The following FAM135A variants were observed in gnomAD, a reference collection of about 807,000 sequenced individuals.
FAM135A encodes the protein protein FAM135A.
In FAM135A, 79 loss-of-function variants were observed where a neutral mutation model predicts 146.8. The observed-to-expected ratio is 0.54, with a 90% confidence interval of 0.45 to 0.65. The LOEUF (loss-of-function observed/expected upper bound fraction) is 0.65. Ranked by LOEUF, FAM135A falls within the 30% of genes least tolerant of loss-of-function variation. The pLI is 0.00. For synonymous variants in FAM135A, 562 were observed against 603.6 expected (o/e 0.93, Z 1.01); for missense variants, 1,623 against 1,758.2 (o/e 0.92, Z 1.38).
rs3193656 is a variant in FAM135A at position 70,560,840 on chromosome 6, A to C, written c.*919A>C. The C allele has an allele frequency of 0.17, 25,896 of 152,560 alleles. 2,289 individuals are homozygous for C. The highest frequency in any genetic ancestry group is 0.21 in the Middle Eastern group (63 of 294). The allele number at this position is 152,560 out of a possible 1,614,324, so 9.5% of individuals were successfully genotyped here. A position where few individuals can be genotyped will look rare whatever the true frequency, so the allele number is the denominator to read the frequency against. On this transcript the variant is annotated 3_prime_UTR_variant, in exon 22 of 22. Coordinates refer to ENST00000418814, the MANE Select transcript of FAM135A (RefSeq NM_001162529.3). ...ATTTATTGAACTAAAAAGTAATGTAAATAAAATAATTCATGTTAAAGATGG... is the reference window on the plus strand; with the variant it reads ...ATTTATTGAACTAAAAAGTAATGTACATAAAATAATTCATGTTAAAGATGG...
At chr6:70,421,203 G>A (rs1768762142) in intron 2 of FAM135A, among the ~76,000 whole-genome samples, 1 of 151,810 alleles carries the variant, frequency 6.6e-6, no homozygotes, top group Non-Finnish European at 1.5e-5. Context: ...TTTTTTTAGT[G>A]TTCTACATTT....
intron 2 of FAM135A, chr6:70,417,659 G>C: frequency 4.1e-6 from 4 of 984,012 alleles, no homozygotes; most frequent in Non-Finnish European, 4.8e-6. Flanking sequence ...ATTGTTTTTA[G>C]AGCAGTGTTA....
intron 1 of FAM135A, 53 bp downstream of exon 1, chr6:70,413,755 C>T: frequency 1.0e-6 from 1 of 967,128 alleles, no homozygotes; most frequent in Non-Finnish European, 1.2e-6. Flanking sequence ...ACCCACGACC[C>T]CTCCCTCCGT....
chr6:70,551,353 T>G (rs191975746), intron 20 of FAM135A, among the ~76,000 whole-genome samples: 7 of 152,334 alleles, frequency 4.6e-5, no homozygotes, highest in Non-Finnish European at 2.9e-5. Context: ...CTCACGCCTG[T>G]AATTCCAGAA....
chr6:70,523,171 C>CAGG (rs565890377), intron 13 of FAM135A, among the ~76,000 whole-genome samples: 227 of 152,206 alleles, frequency 1.5e-3, no homozygotes, highest in African/African-American at 4.9e-3. Context: ...GGAAAAAAGA[C>CAGG]AGGACATGGT....
intron 16 of FAM135A, 29 bp from the exon 17 acceptor site, chr6:70,533,131 T>A: frequency 6.4e-7 from 1 of 1,553,266 alleles, no homozygotes; most frequent in Non-Finnish European, 8.9e-7. Flanking sequence ...CTTTATCTCA[T>A]CCTTTAAACA....
At chr6:70,532,143 T>TGG (rs986757171) in intron 16 of FAM135A, among the ~76,000 whole-genome samples, 2 of 152,106 alleles carry the variant, frequency 1.3e-5, no homozygotes, top group African/African-American at 4.8e-5. Flanking sequence ...CCTAAAGTGC[T>TGG]GGGATTACAG....
chr6:70,472,527 A>G (rs1404918580), intron 5 of FAM135A, among the ~76,000 whole-genome samples: 1 of 152,176 alleles, frequency 6.6e-6, no homozygotes, highest in Non-Finnish European at 1.5e-5. Flanking sequence ...TAACCCCAAT[A>G]CATCCATCAA....
chr6:70,467,004 G>T (rs1365541886), intron 5 of FAM135A, among the ~76,000 whole-genome samples: 2 of 152,120 alleles, frequency 1.3e-5, no homozygotes. Flanking sequence ...TCTCTTCTAT[G>T]TTGAATCTCT....
chr6:70,545,251 G>A (rs1184234769), intron 20 of FAM135A, among the ~76,000 whole-genome samples: 1 of 151,872 alleles, frequency 6.6e-6, no homozygotes, highest in Admixed American at 6.6e-5. Context: ...ATTTCTCTTT[G>A]TACTCACGAG....
intron 11 of FAM135A, among the ~76,000 whole-genome samples, chr6:70,493,160 G>A (rs73482585): frequency 0.2 from 30,620 of 151,412 alleles, 3,395 homozygotes; most frequent in African/African-American, 0.29. Context: ...TACTGTTTGC[G>A]TGCTGAAAAC....
At chr6:70,415,716 A>G (rs768252106) in intron 2 of FAM135A, among the ~76,000 whole-genome samples, 1 of 152,166 alleles carries the variant, frequency 6.6e-6, no homozygotes, top group Non-Finnish European at 1.5e-5. Flanking sequence ...TGGTATTTTT[A>G]GTGAGTTGGT....
rs528477717 is a variant in FAM135A, at chr6:70,528,228, T to A, written c.3615-64T>A. The A allele has an allele frequency of 3.4e-6, 5 of 1,461,118 alleles. No homozygotes were observed. In the African/African-American group the frequency reaches 7.1e-5, roughly 21 times the overall value. The allele number at this position is 1,461,118 out of a possible 1,614,324, so 90.5% of individuals were successfully genotyped here. A position where few individuals can be genotyped will look rare whatever the true frequency, so the allele number is the denominator to read the frequency against. ...TTTCCACTTCTACAATTCTCTAAAT[T>A]CAGGAGGGTTCTAACAACTGAATAT... On this transcript the variant is annotated intron_variant, in intron 15 of 21. Coordinates refer to ENST00000418814, the MANE Select transcript of FAM135A (RefSeq NM_001162529.3).
chr6:70,442,238 G>GTTTTTTTT (rs147268217), intron 4 of FAM135A, among the ~76,000 whole-genome samples: 2 of 136,410 alleles, frequency 1.5e-5, no homozygotes, highest in African/African-American at 2.8e-5. Context: ...TTTCTTCATG[G>GTTTTTTTT]GTTTTTTTTT....
intron 12 of FAM135A, among the ~76,000 whole-genome samples, chr6:70,514,002 C>T (rs975790634): frequency 3.6e-4 from 54 of 150,084 alleles, no homozygotes; most frequent in African/African-American, 1.3e-3. Flanking sequence ...TTTTTTTTGT[C>T]TTTATCTTGC....
intron 19 of FAM135A, 63 bp downstream of exon 19, chr6:70,536,474 T>C (rs1796814769): frequency 7.7e-7 from 1 of 1,291,754 alleles, no homozygotes; most frequent in Non-Finnish European, 1.0e-6. Flanking sequence ...GAACTTAGTA[T>C]TTTCTGGTGT....
chr6:70,475,794 G>A, intron 7 of FAM135A, 61 bp downstream of exon 7: 1 of 1,312,792 alleles, frequency 7.6e-7, no homozygotes, highest in Non-Finnish European at 1.1e-6. Flanking sequence ...GTTATTATTA[G>A]ATTGCCCATT....
At chr6:70,472,782 G>A (rs73478818) in intron 5 of FAM135A, among the ~76,000 whole-genome samples, 5 of 152,220 alleles carry the variant, frequency 3.3e-5, no homozygotes, top group Non-Finnish European at 5.9e-5. Context: ...GTGTTCTTCA[G>A]TTTGCATGGG....
chr6:70,499,553 T>A (rs1788035648), intron 11 of FAM135A, among the ~76,000 whole-genome samples: 2 of 152,244 alleles, frequency 1.3e-5, no homozygotes, highest in Admixed American at 1.3e-4. Context: ...TGCCCATTAG[T>A]CAATGCTGTT....
Sources: allele counts gnomAD v4.1 joint callset (sites outside exome capture counted in the v4.1 genomes callset), GRCh38; gene constraint gnomAD v4.1.1; transcripts MANE v1.5; gene names NCBI Gene and HGNC (gene_info 2026-07-23, HGNC 2026-07-21).